The following SKAP2 variants were observed in gnomAD, a reference collection of about 807,000 sequenced individuals.
SKAP2 encodes the protein src kinase associated phosphoprotein 2, also known as src kinase-associated phosphoprotein 2.
SKAP2 carries 28 observed loss-of-function variants against 54.9 expected under a neutral mutation model. The observed-to-expected ratio is 0.51, with a 90% confidence interval of 0.38 to 0.70. The LOEUF is 0.70. SKAP2 is among the 30% of genes least tolerant of loss of function. The probability of loss-of-function intolerance (pLI) is 0.00; values close to 1 mark genes in which losing one functional copy is unlikely to be tolerated. For missense variants in SKAP2, 356 were observed against 424.1 expected, an observed-to-expected ratio of 0.84 and a Z score of 1.41; for synonymous variants, 137 against 134.3, an observed-to-expected ratio of 1.02 and a Z score of -0.14.
intron 4 of SKAP2, among the ~76,000 whole-genome samples, chr7:26,821,119 CT>C (rs1045340628): frequency 3.9e-5 from 6 of 152,012 alleles, no homozygotes; most frequent in Admixed American, 3.9e-4. Context: ...AAGAGTTTAT[CT>C]TTTTTAAAGT....
chr7:26,768,275 C>A (rs1446382773), intron 4 of SKAP2, among the ~76,000 whole-genome samples: 3 of 125,190 alleles, frequency 2.4e-5, no homozygotes, highest in Non-Finnish European at 5.0e-5. Flanking sequence ...AAGATTGCAA[C>A]CCCTGCTTTT....
chr7:26,696,041 T>TA (rs1338827631), intron 9 of SKAP2, among the ~76,000 whole-genome samples: 2 of 152,172 alleles, frequency 1.3e-5, no homozygotes, highest in Admixed American at 6.6e-5. Context: ...TTGGAAAAGT[T>TA]AGAGTCGAAT....
At chr7:26,813,012 T>C (rs1784187511) in intron 4 of SKAP2, among the ~76,000 whole-genome samples, 1 of 152,190 alleles carries the variant, frequency 6.6e-6, no homozygotes, top group Non-Finnish European at 1.5e-5. Flanking sequence ...TTCCAAATTC[T>C]ATACTCACGC....
In SKAP2 at chr7:26,805,088, C is replaced by G. The variant is rs1225123695; in HGVS notation, c.307+38942G>C. Among the ~76,000 whole-genome samples the G allele has an allele frequency of 2.6e-5, 4 of 152,196 alleles. No homozygotes were observed. The East Asian group carries it at 7.7e-4, about 29-fold the overall frequency. On this transcript the variant is annotated intron_variant, in intron 4 of 12. Transcript: ENST00000345317. ...TTTGAAATCAGATTATAAAGCTGGG[C>G]ATGGTGGTGAGCAATTATATTCCCA...
At chr7:26,665,647 T>A (rs964167318), downstream of SKAP2, among the ~76,000 whole-genome samples, 2 of 152,144 alleles carry the variant, frequency 1.3e-5, no homozygotes, top group African/African-American at 4.8e-5. Flanking sequence ...CCCTCAAACA[T>A]AGCATTAATG....
chr7:26,821,854 T>C (rs1158272088), intron 4 of SKAP2, among the ~76,000 whole-genome samples: 1 of 152,162 alleles, frequency 6.6e-6, no homozygotes. Flanking sequence ...AGGCCTGAGT[T>C]CCCCAGAAGT....
At chr7:26,813,242 G>C (rs1051497970) in intron 4 of SKAP2, among the ~76,000 whole-genome samples, 2 of 151,982 alleles carry the variant, frequency 1.3e-5, no homozygotes, top group African/African-American at 4.8e-5. Flanking sequence ...AACCTGCTAG[G>C]CACAAAAGTA....
intron 6 of SKAP2, among the ~76,000 whole-genome samples, chr7:26,734,474 C>T (rs1290739229): frequency 1.3e-5 from 2 of 152,156 alleles, no homozygotes; most frequent in Non-Finnish European, 2.9e-5. Flanking sequence ...TCTTTCACAA[C>T]TCAGAATCTC....
At chr7:26,741,476 C>T (rs901011598) in intron 4 of SKAP2, among the ~76,000 whole-genome samples, 1 of 151,418 alleles carries the variant, frequency 6.6e-6, no homozygotes. Flanking sequence ...GAGGTCAAGG[C>T]TGCAGTGAGC....
chr7:26,664,700 A>G (rs576951532), downstream of SKAP2, among the ~76,000 whole-genome samples: 1 of 150,222 alleles, frequency 6.7e-6, no homozygotes, highest in East Asian at 1.9e-4. Context: ...CTCTCCGAGT[A>G]ATGGATAACA....
At chr7:26,661,779 T>C in the SKAP2 span, among the ~76,000 whole-genome samples, 1 of 152,204 alleles carries the variant, frequency 6.6e-6, no homozygotes, top group Non-Finnish European at 1.5e-5. Flanking sequence ...CAACATTTTT[T>C]TCCCTTGCTA....
intron 6 of SKAP2, among the ~76,000 whole-genome samples, chr7:26,737,391 G>A (rs1787966660): frequency 6.6e-6 from 1 of 152,166 alleles, no homozygotes; most frequent in Non-Finnish European, 1.5e-5. Flanking sequence ...TGAACATACT[G>A]TAAATTAGTG....
At chr7:26,787,803 G>A (rs1174655559) in intron 4 of SKAP2, among the ~76,000 whole-genome samples, 2 of 152,090 alleles carry the variant, frequency 1.3e-5, no homozygotes, top group South Asian at 2.1e-4. Context: ...GGATCTGCCC[G>A]CATGACCCAA....
intron 4 of SKAP2, among the ~76,000 whole-genome samples, chr7:26,788,601 C>T (rs1481882655): frequency 6.6e-6 from 1 of 152,074 alleles, no homozygotes; most frequent in African/African-American, 2.4e-5. Context: ...ATGTATTAAT[C>T]TTATACCCCT....
At chr7:26,846,022 G>A (rs1784914593) in intron 3 of SKAP2, among the ~76,000 whole-genome samples, 1 of 152,118 alleles carries the variant, frequency 6.6e-6, no homozygotes, top group Non-Finnish European at 1.5e-5. Context: ...AACATATTTT[G>A]ATCATGTTAC....
At chr7:26,781,028 T>G (rs1231651206) in intron 4 of SKAP2, among the ~76,000 whole-genome samples, 1 of 152,168 alleles carries the variant, frequency 6.6e-6, no homozygotes, top group East Asian at 1.9e-4. Context: ...AATGTTAACT[T>G]TATTTACCAA....
At chr7:26,756,184 ATTTT>A (rs898131889) in intron 4 of SKAP2, among the ~76,000 whole-genome samples, 1 of 152,008 alleles carries the variant, frequency 6.6e-6, no homozygotes, top group African/African-American at 2.4e-5. Flanking sequence ...CTTTTTGTTA[ATTTT>A]TTTTATTATA....
intron 1 of SKAP2, among the ~76,000 whole-genome samples, chr7:26,859,068 C>A (rs907937880): frequency 6.6e-6 from 1 of 152,132 alleles, no homozygotes; most frequent in Admixed American, 6.6e-5. Flanking sequence ...TGGGCTGAAT[C>A]TACCACCATA....
intron 4 of SKAP2, among the ~76,000 whole-genome samples, chr7:26,800,175 C>T (rs750430230): frequency 1.3e-5 from 2 of 151,994 alleles, no homozygotes; most frequent in Non-Finnish European, 2.9e-5. Context: ...AGCATCTTCT[C>T]TGACCACAAT....
Sources: gnomAD v4.1 joint callset for allele counts (sites outside exome capture counted in the v4.1 genomes callset) on GRCh38, gnomAD v4.1.1 for gene constraint, MANE v1.5 for transcripts, NCBI Gene and HGNC (gene_info 2026-07-23, HGNC 2026-07-21) for gene names.